Variants in NCKAP5 observed in about 807,000 individuals in gnomAD.
The protein encoded by NCKAP5 is nck-associated protein 5.
NCKAP5 carries 92 observed loss-of-function variants against 167.0 expected under a neutral mutation model. The ratio of observed to expected loss-of-function variants is 0.55; its 90% CI spans 0.47 to 0.66. NCKAP5 has a LOEUF of 0.66. Ranked by LOEUF, NCKAP5 falls within the 30% of genes least tolerant of loss-of-function variation. NCKAP5 has a pLI of 0.00. For missense variants in NCKAP5, 2,378 were observed against 2,315.0 expected, an observed-to-expected ratio of 1.03 and a Z score of -0.56; for synonymous variants, 891 against 877.4, an observed-to-expected ratio of 1.02 and a Z score of -0.27.
At chr2:133,482,549 G>C (rs1033931629) in intron 3 of NCKAP5, among the ~76,000 whole-genome samples, 2 of 152,110 alleles carry the variant, frequency 1.3e-5, no homozygotes, top group Non-Finnish European at 2.9e-5. Flanking sequence ...TTCACTGATG[G>C]ATACTTAAGT....
At chr2:133,043,866 G>GTT (rs60249951) in intron 6 of NCKAP5, among the ~76,000 whole-genome samples, 53 of 141,748 alleles carry the variant, frequency 3.7e-4, no homozygotes, top group African/African-American at 1.0e-3. Context: ...TTCTGTAATA[G>GTT]TTTTTTTTTT....
intron 3 of NCKAP5, among the ~76,000 whole-genome samples, chr2:133,319,142 C>A (rs989633686): frequency 1.4e-4 from 20 of 143,840 alleles, no homozygotes; most frequent in African/African-American, 5.7e-4. Flanking sequence ...GTGTGTGAGC[C>A]ACCCCTCCCC....
intron 5 of NCKAP5, among the ~76,000 whole-genome samples, chr2:133,209,072 T>C (rs539445970): frequency 1.3e-4 from 9 of 69,600 alleles, no homozygotes; most frequent in African/African-American, 5.3e-4. Context: ...TGCAAAAAAT[T>C]ACATTAAAAA....
chr2:133,266,654 A>G (rs1444003903), intron 4 of NCKAP5, among the ~76,000 whole-genome samples: 2 of 152,170 alleles, frequency 1.3e-5, no homozygotes, highest in African/African-American at 4.8e-5. Context: ...TGCCATGTCC[A>G]GAGCGCGGAG....
chr2:133,358,742 G>A (rs1684903779), intron 3 of NCKAP5, among the ~76,000 whole-genome samples: 1 of 152,096 alleles, frequency 6.6e-6, no homozygotes, highest in Non-Finnish European at 1.5e-5. Flanking sequence ...CAGAATTATA[G>A]AGTAGTAACA....
At chr2:133,425,630 T>A (rs1310265573) in intron 3 of NCKAP5, among the ~76,000 whole-genome samples, 1 of 152,046 alleles carries the variant, frequency 6.6e-6, no homozygotes, top group Non-Finnish European at 1.5e-5. Context: ...TATAGAGAAC[T>A]GCAATAGTAT....
At chr2:133,671,327 C>T in the NCKAP5 span, among the ~76,000 whole-genome samples, 3 of 151,116 alleles carry the variant, frequency 2.0e-5, no homozygotes, top group Non-Finnish European at 4.4e-5. Flanking sequence ...ATTAGTGCAA[C>T]AGTGTGAATA....
At chr2:133,280,094 T>C (rs1277264360) in intron 4 of NCKAP5, among the ~76,000 whole-genome samples, 1 of 152,232 alleles carries the variant, frequency 6.6e-6, no homozygotes, top group Non-Finnish European at 1.5e-5. Context: ...CCTGTATTTA[T>C]TGTTATATGC....
intron 4 of NCKAP5, among the ~76,000 whole-genome samples, chr2:133,265,970 A>G (rs1196088664): frequency 6.6e-6 from 1 of 152,230 alleles, no homozygotes; most frequent in Non-Finnish European, 1.5e-5. Context: ...ACAGAACTCA[A>G]GATCTGCCCC....
intron 11 of NCKAP5, among the ~76,000 whole-genome samples, chr2:132,835,092 T>C (rs188578222): frequency 6.6e-6 from 1 of 152,358 alleles, no homozygotes; most frequent in East Asian, 1.9e-4. Flanking sequence ...TGTCCTTAAC[T>C]CTGTGTATGT....
At chr2:133,502,045 G>A (rs746157745) in intron 3 of NCKAP5, among the ~76,000 whole-genome samples, 1 of 152,128 alleles carries the variant, frequency 6.6e-6, no homozygotes, top group African/African-American at 2.4e-5. Flanking sequence ...GTGTCCGTTC[G>A]CCTCGCTTGC....
intron 6 of NCKAP5, among the ~76,000 whole-genome samples, chr2:133,001,931 G>T (rs897037430): frequency 7.2e-5 from 11 of 152,178 alleles, no homozygotes; most frequent in African/African-American, 2.4e-4. Context: ...GAATCCACAT[G>T]AATGAAGTGT....
At chr2:132,868,426 C>T (rs773447190) in intron 10 of NCKAP5, among the ~76,000 whole-genome samples, 3 of 152,080 alleles carry the variant, frequency 2.0e-5, no homozygotes, top group Non-Finnish European at 4.4e-5. Flanking sequence ...TTTATATGTA[C>T]CACAAACTAT....
intron 3 of NCKAP5, among the ~76,000 whole-genome samples, chr2:133,448,265 A>G (rs1443041444): frequency 6.6e-6 from 1 of 150,638 alleles, no homozygotes; most frequent in Non-Finnish European, 1.5e-5. Flanking sequence ...AAAAAAAAAG[A>G]GGGAGGCGGG....
At chr2:133,302,773 G>A (rs1680477463) in intron 4 of NCKAP5, among the ~76,000 whole-genome samples, 2 of 148,124 alleles carry the variant, frequency 1.4e-5, no homozygotes, top group Non-Finnish European at 1.5e-5. Flanking sequence ...CTAAAACTTA[G>A]AGTATAATAA....
At chr2:132,752,409 A>C (rs1680191823) in intron 16 of NCKAP5, among the ~76,000 whole-genome samples, 1 of 152,250 alleles carries the variant, frequency 6.6e-6, no homozygotes, top group Non-Finnish European at 1.5e-5. Context: ...ATGAACTCAG[A>C]GGGCTAAACG....
rs1258835920 is a variant in NCKAP5 at position 132,927,268 on chromosome 2, T to C, written c.579+36452A>G. 2.0e-5 allele frequency among the ~76,000 whole-genome samples: 3 copies of C among 152,244 alleles called. No homozygotes were observed. In the East Asian group the frequency reaches 5.8e-4, roughly 29 times the overall value. On this transcript the variant is annotated intron_variant, in intron 8 of 19. Transcript: ENST00000409261. ...AGTGCCATGCTGTATTGGTTATTAT[T>C]GCCTCAAAGTATAATTTGAGGTCAG...
chr2:133,241,848 G>A (rs770797304), intron 4 of NCKAP5, among the ~76,000 whole-genome samples: 12 of 152,102 alleles, frequency 7.9e-5, no homozygotes, highest in Non-Finnish European at 1.5e-4. Context: ...AGCCGGGCAC[G>A]GTGGCTCACA....
At chr2:133,203,503 A>G (rs1321307934) in intron 5 of NCKAP5, among the ~76,000 whole-genome samples, 1 of 152,180 alleles carries the variant, frequency 6.6e-6, no homozygotes, top group Non-Finnish European at 1.5e-5. Context: ...ACAAACCTGC[A>G]CATTGTGCAC....
Sources: gnomAD v4.1 joint callset for allele counts (sites outside exome capture counted in the v4.1 genomes callset) on GRCh38, gnomAD v4.1.1 for gene constraint, MANE v1.5 for transcripts, NCBI Gene and HGNC (gene_info 2026-07-23, HGNC 2026-07-21) for gene names.